The following AAMDC variants were observed in gnomAD, a reference collection of about 807,000 sequenced individuals.
AAMDC encodes adipogenesis associated Mth938 domain containing, also known as mth938 domain-containing protein.
In AAMDC, 16 loss-of-function variants were observed where a neutral mutation model predicts 15.5. The ratio of observed to expected loss-of-function variants is 1.03; its 90% confidence interval spans 0.70 to 1.57. The LOEUF (loss-of-function observed/expected upper bound fraction) is 1.57. Among genes scored for constraint, AAMDC ranks in the 40% most tolerant of loss-of-function variants. AAMDC has a pLI of 0.00. For synonymous variants in AAMDC, 51 were observed against 51.6 expected (o/e 0.99, Z 0.05); for missense variants, 141 against 144.9 (o/e 0.97, Z 0.14).
downstream of AAMDC, chr11:77,903,693 T>C: frequency 8.6e-7 from 1 of 1,159,456 alleles, no homozygotes; most frequent in Non-Finnish European, 1.2e-6. Context: ...GATTTACATT[T>C]TTGTTTTCCT....
Position 77,883,845 on chromosome 11 carries a change from G to C in AAMDC, c.328+6796G>C, listed in dbSNP as rs915413817. On this transcript the variant is annotated intron_variant, in intron 5 of 5. Transcript: ENST00000304716. ...CTGACTCCTTACCTGTCCAAGCGGT[G>C]TGGGAGAGATAAACCTGAGTGATGA... The C allele has an allele frequency of 1.9e-6, 3 of 1,612,810 alleles. No individual in the cohort carries two copies. In the African/African-American group the frequency reaches 4.0e-5, roughly 22 times the overall value.
chr11:77,860,034 T>G (rs1320456653), intron 2 of AAMDC, among the ~76,000 whole-genome samples: 1 of 152,222 alleles, frequency 6.6e-6, no homozygotes, highest in Admixed American at 6.5e-5. Context: ...AGGCCAACCC[T>G]TTGCCACTAC....
intron 1 of AAMDC, among the ~76,000 whole-genome samples, chr11:77,840,467 T>C (rs2136126756): frequency 6.6e-6 from 1 of 152,286 alleles, no homozygotes; most frequent in Admixed American, 6.5e-5. Context: ...AGGTGGAGGT[T>C]GCAGTGAGCC....
rs763592121 is a variant in AAMDC at position 77,847,892 on chromosome 11, G to A, written c.132+5264G>A. Among the ~76,000 whole-genome samples, 12 of 152,226 alleles carry A rather than the reference G, an allele frequency of 7.9e-5. 1 individual carries two copies. Among genetic ancestry groups the A allele is most frequent in the Middle Eastern group, 6.8e-3 (2 of 294 alleles). ...GTCCTAAAAACCCCGGGAGCTGAAG[G>A]TTTAAATCCCAGTCCAAGAGCAGAA... On this transcript the variant is annotated intron_variant, in intron 2 of 3. Transcript: ENST00000393427.
intron 1 of AAMDC, chr11:77,840,885 G>A (rs1414084204): frequency 1.7e-5 from 5 of 291,094 alleles, no homozygotes; most frequent in Non-Finnish European, 3.2e-5. Context: ...TTATTTGTGT[G>A]TGGGGGTTTA....
intron 5 of AAMDC, among the ~76,000 whole-genome samples, chr11:77,897,386 G>A (rs1271898177): frequency 6.6e-6 from 1 of 150,858 alleles, no homozygotes; most frequent in Non-Finnish European, 1.5e-5. Context: ...AATAAAGAAG[G>A]ATATACAAGG....
intron 2 of AAMDC, among the ~76,000 whole-genome samples, chr11:77,858,140 T>C (rs922816721): frequency 7.3e-5 from 11 of 151,054 alleles, no homozygotes; most frequent in South Asian, 4.2e-4. Context: ...CGCGTCAGCC[T>C]CCTGAGTAGC....
At chr11:77,849,244 C>T (rs1286201596) in intron 2 of AAMDC, among the ~76,000 whole-genome samples, 1 of 151,692 alleles carries the variant, frequency 6.6e-6, no homozygotes, top group African/African-American at 2.4e-5. Context: ...TTTTTTGAGA[C>T]AGAGTCTTGC....
chr11:77,850,532 G>T (rs1291512885), intron 2 of AAMDC: 1 of 152,046 alleles, frequency 6.6e-6, no homozygotes, highest in Non-Finnish European at 1.5e-5. Context: ...ACTGAAAGGG[G>T]TCAAGAATGA....
downstream of AAMDC, among the ~76,000 whole-genome samples, chr11:77,904,113 T>C (rs1952866430): frequency 1.3e-5 from 2 of 152,206 alleles, no homozygotes. Flanking sequence ...TCTTTCAATC[T>C]TTCTACATTC....
intron 2 of AAMDC, among the ~76,000 whole-genome samples, chr11:77,853,710 GTGGA>G (rs915349619): frequency 6.6e-6 from 1 of 152,166 alleles, no homozygotes; most frequent in Non-Finnish European, 1.5e-5. Context: ...GGAGGCCAAA[GTGGA>G]TGGATTGCTT....
chr11:77,863,580 G>C (rs560912014), intron 2 of AAMDC, among the ~76,000 whole-genome samples: 1 of 152,172 alleles, frequency 6.6e-6, no homozygotes, highest in African/African-American at 2.4e-5. Context: ...GTAGAGACAG[G>C]GTTTCACTAT....
chr11:77,853,747 C>A (rs1950494301), intron 2 of AAMDC, among the ~76,000 whole-genome samples: 1 of 151,960 alleles, frequency 6.6e-6, no homozygotes, highest in Non-Finnish European at 1.5e-5. Context: ...TCAAGACCAG[C>A]CTGGCCAACA....
chr11:77,854,955 G>T (rs1435487956), intron 2 of AAMDC, among the ~76,000 whole-genome samples: 1 of 152,192 alleles, frequency 6.6e-6, no homozygotes, highest in East Asian at 1.9e-4. Context: ...AGCCTCAATT[G>T]TCACACTCTG....
chr11:77,862,954 T>G (rs912771898), intron 2 of AAMDC, among the ~76,000 whole-genome samples: 1 of 152,194 alleles, frequency 6.6e-6, no homozygotes, highest in Non-Finnish European at 1.5e-5. Flanking sequence ...CGTTTCCCAT[T>G]ACTTTGGAGG....
At chr11:77,871,825 G>T (rs888404218) in intron 3 of AAMDC, among the ~76,000 whole-genome samples, 4 of 152,162 alleles carry the variant, frequency 2.6e-5, no homozygotes, top group Admixed American at 2.6e-4. Flanking sequence ...AACCCTAGGT[G>T]TTAATGTCCC....
intron 2 of AAMDC, among the ~76,000 whole-genome samples, chr11:77,846,658 A>G (rs924115557): frequency 6.6e-6 from 1 of 152,186 alleles, no homozygotes; most frequent in Non-Finnish European, 1.5e-5. Context: ...GTGAGCCAAG[A>G]TTGCGCCATT....
At chr11:77,842,780 A>G (rs1949987920) in intron 2 of AAMDC, 152 bp downstream of exon 2, 5 of 1,082,492 alleles carry the variant, frequency 4.6e-6, no homozygotes, top group Non-Finnish European at 6.5e-6. Context: ...AAAGTATGCA[A>G]TTCAATGGAC....
In AAMDC at chr11:77,905,752, A is replaced by G. The variant is rs140713812; in HGVS notation, c.229-12309A>G. 1.2e-4 allele frequency among the ~76,000 whole-genome samples: 19 copies of G among 152,376 alleles called. No homozygotes were observed. In the East Asian group the frequency reaches 3.7e-3, roughly 29 times the overall value. ...CAAAAGACTTGAGGTTGTTGGGCACAGTATTTCAGATGACCACAGTTAAAA... is the reference window on the plus strand; with the variant it reads ...CAAAAGACTTGAGGTTGTTGGGCACGGTATTTCAGATGACCACAGTTAAAA... On this transcript the variant is annotated intron_variant, in intron 3 of 3. Coordinates refer to the AAMDC transcript ENST00000532481.
Sources: gnomAD v4.1 joint callset for allele counts (sites outside exome capture counted in the v4.1 genomes callset) on GRCh38, gnomAD v4.1.1 for gene constraint, MANE v1.5 for transcripts, NCBI Gene and HGNC (gene_info 2026-07-23, HGNC 2026-07-21) for gene names.